Variants in THBS2 observed in about 807,000 individuals in gnomAD.
The protein encoded by THBS2 is thrombospondin-2.
Under a neutral mutation model 135.2 loss-of-function variants are expected in THBS2, and 47 were observed. The ratio of observed to expected loss-of-function variants is 0.35; its 90% CI spans 0.28 to 0.44. The LOEUF (loss-of-function observed/expected upper bound fraction) is 0.44, where lower values mean the gene tolerates loss of function less well. Ranked by LOEUF, THBS2 falls within the 20% of genes least tolerant of loss-of-function variation. THBS2 has a pLI of 1.00. For missense variants in THBS2, 1,288 were observed against 1,603.1 expected (o/e 0.80, Z 3.36); for synonymous variants, 639 against 633.8 (o/e 1.01, Z -0.12).
At chr6:169,244,977 G>A (rs897100721) in intron 4 of THBS2, among the ~76,000 whole-genome samples, 2 of 152,228 alleles carry the variant, frequency 1.3e-5, no homozygotes, top group African/African-American at 2.4e-5. Context: ...TACGCACCCC[G>A]GTTCTGAAGT....
chr6:169,249,006 G>A, intron 2 of THBS2, 33 bp from the exon 3 acceptor site: 2 of 1,565,462 alleles, frequency 1.3e-6, no homozygotes, highest in East Asian at 2.3e-5. Context: ...GAAGGGTGAC[G>A]TAGGGGAAGA....
intron 4 of THBS2, 45 bp from the exon 5 acceptor site, chr6:169,242,003 G>T (rs1186942435): frequency 6.4e-7 from 1 of 1,562,612 alleles, no homozygotes; most frequent in East Asian, 2.3e-5. Flanking sequence ...AGAGGACGGG[G>T]CCAGCAGCAG....
chr6:169,231,786 G>T (rs1314621563), intron 13 of THBS2, among the ~76,000 whole-genome samples, 194 bp downstream of exon 13: 2 of 152,226 alleles, frequency 1.3e-5, no homozygotes, highest in East Asian at 3.9e-4. Flanking sequence ...GCCAGAGTGT[G>T]CCTGTGTCTA....
chr6:169,233,855 G>A (rs1779939613), intron 10 of THBS2, among the ~76,000 whole-genome samples: 1 of 143,116 alleles, frequency 7.0e-6, no homozygotes, highest in African/African-American at 2.6e-5. Context: ...CTGCCCACAC[G>A]TCAGGTGCTA....
intron 3 of THBS2, among the ~76,000 whole-genome samples, chr6:169,246,868 A>G (rs558724593): frequency 1.3e-5 from 2 of 152,140 alleles, no homozygotes; most frequent in East Asian, 3.9e-4. Flanking sequence ...ACTTATTTCC[A>G]AGGCCCTACA....
Position 169,250,720 on chromosome 6 carries a change from T to G in THBS2, c.52+13A>C. 6.2e-7 allele frequency: 1 copy of G among 1,612,662 alleles called. No individual in the cohort carries two copies. The highest frequency in any genetic ancestry group is 8.5e-7 in the Non-Finnish European group (1 of 1,179,360). On this transcript the variant is annotated intron_variant, in intron 2 of 21. Transcript: ENST00000617924. ...CAAGCCAGAGAGAGACCACAGGCTC[T>G]GAGGACACTCACCTTGCGTGCTGGG...
At chr6:169,229,474 C>T (rs1013697569) in intron 14 of THBS2, 98 bp downstream of exon 14, 2 of 886,504 alleles carry the variant, frequency 2.3e-6, no homozygotes, top group South Asian at 3.0e-5. Context: ...AGGACAATGG[C>T]AGTTACGTTG....
At position 169,241,655 on chromosome 6, in the gene THBS2, G is replaced by A. The variant is rs941045777; in HGVS notation, c.891+107C>T. On this transcript the variant is annotated intron_variant, in intron 5 of 21. Coordinates refer to ENST00000617924, the MANE Select transcript of THBS2 (RefSeq NM_003247.5). This position sits in a 1 kb window ranked among gnomAD's most constrained non-coding sequence, Gnocchi z 5.5. ...CCTGTGAACTGTGGGTTTTTACATCGAGCATGAGGCACTGCCAAGCCAGGG... is the reference window on the plus strand; with the variant it reads ...CCTGTGAACTGTGGGTTTTTACATCAAGCATGAGGCACTGCCAAGCCAGGG... 12 of 1,185,778 alleles carry A rather than the reference G, an allele frequency of 1.0e-5. No individual in the cohort carries two copies. Among genetic ancestry groups the A allele is most frequent in the South Asian group, 4.5e-5 (3 of 66,452 alleles). The allele number at this position is 1,185,778 out of a possible 1,614,324, so 73.5% of individuals were successfully genotyped here.
In THBS2 at chr6:169,225,327, A is replaced by C. The variant is rs776247064; in HGVS notation, c.2591T>G (p.Ile864Arg). ...VGDQCDNNEDIDDDGHQNNQD... is the reference protein window; with the variant it reads ...VGDQCDNNEDRDDDGHQNNQD... ...GTTGTTCTGGTGGCCGTCGTCATCT[A>C]TGTCCTCGTTGTTGTCACACTGGTC... Residue 864 changes from isoleucine (I) to arginine (R), a missense_variant, in exon 17 of 22, where the codon ATA becomes AGA. Transcript: ENST00000617924. 1 of 1,571,184 alleles carries C rather than the reference A, an allele frequency of 6.4e-7. No individual in the cohort carries two copies. Among genetic ancestry groups the C allele is most frequent in the Non-Finnish European group, 8.6e-7 (1 of 1,157,790 alleles).
At chr6:169,220,117 A>C in intron 21 of THBS2, 81 bp downstream of exon 21, 2 of 1,526,030 alleles carry the variant, frequency 1.3e-6, no homozygotes, top group Non-Finnish European at 8.9e-7. Flanking sequence ...AGCTTTTGTA[A>C]GTGGAAGAGC....
intron 13 of THBS2, among the ~76,000 whole-genome samples, chr6:169,231,209 G>A (rs1001661296): frequency 2.6e-5 from 4 of 152,136 alleles, no homozygotes; most frequent in African/African-American, 9.7e-5. Context: ...ATCTGGGTGG[G>A]CCCTAAATAC....
Position 169,217,679 on chromosome 6 carries a change from G to A in THBS2, c.*143C>T. 1 of 859,498 alleles carries A rather than the reference G, an allele frequency of 1.2e-6. No individual in the cohort carries two copies. The highest frequency in any genetic ancestry group is 1.8e-6 in the Non-Finnish European group (1 of 569,588). 53.2% of individuals were successfully genotyped at this position (859,498 alleles called of 1,614,324 possible). A position where few individuals can be genotyped will look rare whatever the true frequency, so the allele number is the denominator to read the frequency against. ...GAAGGCACTTGGGTTTGGGGTTGCTGGCAGGAGGTGAAGAACCATCAGAGT... is the reference window on the plus strand; with the variant it reads ...GAAGGCACTTGGGTTTGGGGTTGCTAGCAGGAGGTGAAGAACCATCAGAGT... On this transcript the variant is annotated 3_prime_UTR_variant, in exon 22 of 22. Transcript: ENST00000617924.
In THBS2 at chr6:169,226,279, G is replaced by C; in HGVS notation, c.2439C>G (p.Asp813Glu). The C allele has an allele frequency of 6.2e-7, 1 of 1,613,988 alleles. No homozygotes were observed. Among genetic ancestry groups the C allele is most frequent in the Non-Finnish European group, 8.5e-7 (1 of 1,179,882 alleles). ...CAGTGTTGTAGACGTAGGGACAATTGTCTCGTTCATTGAAGACATCTGTAA... is the reference window on the plus strand; with the variant it reads ...CAGTGTTGTAGACGTAGGGACAATTCTCTCGTTCATTGAAGACATCTGTAA... ...IDGDDVFNER[D>E]NCPYVYNTDQ... The change falls in exon 16 of 22, where the codon GAC becomes GAG. Residue 813 changes from aspartate to glutamate, a missense_variant. Around this residue, in one of 2 missense-constraint regions of THBS2, gnomAD observed 874 missense variants for 1,156.1 expected, o/e 0.76. Transcript: ENST00000617924.
intron 20 of THBS2, among the ~76,000 whole-genome samples, chr6:169,221,195 T>C (rs1779416974): frequency 6.6e-6 from 1 of 152,220 alleles, no homozygotes. Flanking sequence ...GGAGAAAATA[T>C]GGTTATCATC....
chr6:169,239,059 C>T (rs1022230335), intron 7 of THBS2, among the ~76,000 whole-genome samples: 1 of 152,156 alleles, frequency 6.6e-6, no homozygotes, highest in African/African-American at 2.4e-5. Context: ...AGTCTCTGAA[C>T]GTGCACTGAG....
Position 169,240,586 on chromosome 6 carries a change from C to A in THBS2, c.898G>T (p.Asp300Tyr). The change falls in exon 6 of 22, where the codon GAT (aspartate) becomes TAT (tyrosine). Residue 300 changes from aspartate (D) to tyrosine (Y), a missense_variant. This residue lies in a region of THBS2 where 414 missense variants were observed against 447.0 expected (regional missense o/e 0.93). Transcript: ENST00000617924. ...ATGAGCTCCCAGAGAAACTGGTTAT[C>A]ATTCGACTGGAAAATCAAGTGAAAC... ...LSENLKRVSN[D>Y]NQFLWELIGG... 6.2e-7 allele frequency: 1 copy of A among 1,613,642 alleles called. No individual in the cohort carries two copies. Among genetic ancestry groups the A allele is most frequent in the Non-Finnish European group, 8.5e-7 (1 of 1,179,720 alleles).
At chr6:169,244,477 T>C (rs1780478294) in intron 4 of THBS2, among the ~76,000 whole-genome samples, 1 of 152,130 alleles carries the variant, frequency 6.6e-6, no homozygotes, top group East Asian at 1.9e-4. Flanking sequence ...CGTGAAATTA[T>C]AGTACAAACA....
rs1393319904 is a variant in THBS2, at chr6:169,217,849, AG to A, written c.3512-21del. 6.9e-7 allele frequency: 1 copy of A among 1,449,912 alleles called. No individual in the cohort carries two copies. Among genetic ancestry groups the A allele is most frequent in the South Asian group, 1.2e-5 (1 of 84,314 alleles). 89.8% of individuals were successfully genotyped at this position (1,449,912 alleles called of 1,614,324 possible). ...AAATATCTACAAAAAGAAAAAAAAA[AG>A]CAATAAACAATTAGCATAACTGGGC... On this transcript the variant is annotated intron_variant, in intron 21 of 21. Coordinates refer to ENST00000617924, the MANE Select transcript of THBS2 (RefSeq NM_003247.5).
intron 17 of THBS2, 112 bp downstream of exon 17, chr6:169,225,033 G>GC: frequency 9.5e-7 from 1 of 1,054,502 alleles, no homozygotes; most frequent in Non-Finnish European, 1.4e-6. Context: ...CAAAGTCATT[G>GC]CCCTTTTTCC....
Sources: allele counts gnomAD v4.1 joint callset (sites outside exome capture counted in the v4.1 genomes callset), GRCh38; gene constraint gnomAD v4.1.1; regional missense constraint gnomAD v4.1.1; non-coding constraint Gnocchi (gnomAD v3.1); transcripts MANE v1.5; gene names NCBI Gene and HGNC (gene_info 2026-07-23, HGNC 2026-07-21).